Variants in EVI5 observed in about 807,000 individuals in gnomAD.
EVI5 encodes the protein ecotropic viral integration site 5.
In EVI5, 73 loss-of-function variants were observed where a neutral mutation model predicts 112.0. The ratio of observed to expected loss-of-function variants is 0.65; its 90% CI spans 0.54 to 0.79. The LOEUF is 0.79. EVI5 is among the 30% of genes least tolerant of loss of function. The pLI is 0.00. For synonymous variants in EVI5, 305 were observed against 319.9 expected, an observed-to-expected ratio of 0.95 and a Z score of 0.50; for missense variants, 900 against 968.8, an observed-to-expected ratio of 0.93 and a Z score of 0.94.
chr1:92,549,325 T>C (rs1666377950), intron 19 of EVI5, among the ~76,000 whole-genome samples: 1 of 152,178 alleles, frequency 6.6e-6, no homozygotes, highest in African/African-American at 2.4e-5. Flanking sequence ...ATCCCTTCCT[T>C]ACACCTTATA....
intron 18 of EVI5, among the ~76,000 whole-genome samples, chr1:92,579,053 C>T (rs1229115967): frequency 6.6e-6 from 1 of 152,130 alleles, no homozygotes; most frequent in Non-Finnish European, 1.5e-5. Flanking sequence ...CAGATCATAG[C>T]AGGACATGTG....
At chr1:92,581,160 C>A (rs1056209426) in intron 18 of EVI5, among the ~76,000 whole-genome samples, 22 of 152,224 alleles carry the variant, frequency 1.4e-4, no homozygotes, top group Admixed American at 5.2e-4. Context: ...TATTTGAGAT[C>A]TATTTCCTTT....
intron 18 of EVI5, among the ~76,000 whole-genome samples, chr1:92,593,908 A>G (rs983099740): frequency 6.6e-6 from 1 of 152,228 alleles, no homozygotes; most frequent in African/African-American, 2.4e-5. Context: ...CCACTGCTCA[A>G]TGAAATAAAG....
chr1:92,575,601 A>G (rs1670950410), intron 18 of EVI5, among the ~76,000 whole-genome samples: 1 of 110,838 alleles, frequency 9.0e-6, no homozygotes, highest in Non-Finnish European at 1.7e-5. Flanking sequence ...ACAGAGTCTC[A>G]CCCTGTTGCA....
chr1:92,744,077 G>A (rs1678869585), intron 1 of EVI5, among the ~76,000 whole-genome samples: 1 of 152,052 alleles, frequency 6.6e-6, no homozygotes, highest in Non-Finnish European at 1.5e-5. Flanking sequence ...GTGTTACTTA[G>A]AAGTGTGTTT....
chr1:92,658,335 C>A (rs536396555), intron 13 of EVI5, among the ~76,000 whole-genome samples: 1 of 152,116 alleles, frequency 6.6e-6, no homozygotes, highest in Non-Finnish European at 1.5e-5. Flanking sequence ...ACCTAGAAAA[C>A]CCTAGAGATT....
chr1:92,767,850 C>T (rs1430777653), intron 1 of EVI5, among the ~76,000 whole-genome samples: 3 of 152,134 alleles, frequency 2.0e-5, no homozygotes, highest in Non-Finnish European at 4.4e-5. Context: ...GAGGCCAAGG[C>T]GGGTGAATCA....
chr1:92,734,176 T>G (rs369924193), intron 2 of EVI5, among the ~76,000 whole-genome samples: 1 of 152,190 alleles, frequency 6.6e-6, no homozygotes, highest in Admixed American at 6.5e-5. Flanking sequence ...GCATGAAGAA[T>G]GTTAGGCCTA....
At chr1:92,529,585 ATTTG>A (rs1223437892) in intron 19 of EVI5, among the ~76,000 whole-genome samples, 2 of 152,194 alleles carry the variant, frequency 1.3e-5, no homozygotes, top group East Asian at 1.9e-4. Flanking sequence ...AGTTTCAATT[ATTTG>A]TTTGGTTGTA....
intron 19 of EVI5, among the ~76,000 whole-genome samples, chr1:92,539,400 G>A (rs910654269): frequency 2.6e-5 from 4 of 151,964 alleles, no homozygotes; most frequent in African/African-American, 7.3e-5. Flanking sequence ...AAAATTAGCC[G>A]GGTGTAGTGG....
chr1:92,699,183 C>T (rs1366904263), intron 5 of EVI5, among the ~76,000 whole-genome samples: 5 of 152,034 alleles, frequency 3.3e-5, no homozygotes, highest in African/African-American at 1.2e-4. Flanking sequence ...ACACAGATGG[C>T]CACAATTCTA....
At chr1:92,757,025 A>C (rs762134004) in intron 1 of EVI5, 4 of 198,448 alleles carry the variant, frequency 2.0e-5, no homozygotes, top group Non-Finnish European at 4.2e-5. Flanking sequence ...AGCTTTTTGT[A>C]AACTTCCATT....
chr1:92,714,668 C>A (rs1242682855), intron 2 of EVI5, among the ~76,000 whole-genome samples: 1 of 152,130 alleles, frequency 6.6e-6, no homozygotes, highest in African/African-American at 2.4e-5. Context: ...GAGCTCACTG[C>A]AACCTTAAAT....
intron 2 of EVI5, among the ~76,000 whole-genome samples, chr1:92,724,065 C>T (rs895537270): frequency 2.0e-5 from 3 of 152,170 alleles, no homozygotes; most frequent in African/African-American, 7.2e-5. Context: ...CACAGTGGGA[C>T]ATAGACCCTC....
chr1:92,728,484 T>TTCA (rs1290215991), intron 2 of EVI5, among the ~76,000 whole-genome samples: 1 of 151,676 alleles, frequency 6.6e-6, no homozygotes, highest in East Asian at 1.9e-4. Flanking sequence ...GTCTCCTGGG[T>TTCA]TCAAACAGTT....
chr1:92,745,662 G>A (rs1294480564), intron 1 of EVI5, among the ~76,000 whole-genome samples: 2 of 151,988 alleles, frequency 1.3e-5, no homozygotes, highest in African/African-American at 4.8e-5. Flanking sequence ...AAAAAAATTA[G>A]CTGGGTGTGG....
At chr1:92,523,340 T>C (rs1661282919) in intron 19 of EVI5, among the ~76,000 whole-genome samples, 1 of 152,108 alleles carries the variant, frequency 6.6e-6, no homozygotes, top group African/African-American at 2.4e-5. Context: ...CTGGCAACCA[T>C]GGACTATTTA....
intron 16 of EVI5, among the ~76,000 whole-genome samples, chr1:92,622,132 T>TAAA (rs11398075): frequency 1.3e-5 from 2 of 148,402 alleles, no homozygotes; most frequent in Non-Finnish European, 1.5e-5. Context: ...AAATAAAAAT[T>TAAA]AAAAAAAAAA....
At chr1:92,635,736 C>G (rs6604000) in intron 14 of EVI5, among the ~76,000 whole-genome samples, 140,219 of 152,188 alleles carry the variant, frequency 0.92, 64,686 homozygotes, top group East Asian at 0.97. Context: ...TCGTCTTCTG[C>G]GTCGCTCACA....
Sources: allele counts gnomAD v4.1 joint callset (sites outside exome capture counted in the v4.1 genomes callset), GRCh38; gene constraint gnomAD v4.1.1; transcripts MANE v1.5; gene names NCBI Gene and HGNC (gene_info 2026-07-23, HGNC 2026-07-21).